Variants in RFC3 observed in about 807,000 individuals in gnomAD.
RFC3 encodes A1 38 kDa subunit.
Under a neutral mutation model 45.1 loss-of-function variants are expected in RFC3, and 41 were observed. That is an observed-to-expected ratio of 0.91 (90% CI 0.71 to 1.18). RFC3 has a LOEUF of 1.18. RFC3 is among the 50% of genes most tolerant of loss of function. RFC3 has a pLI of 0.00. For missense variants in RFC3, 423 were observed against 428.1 expected (o/e 0.99, Z 0.10); for synonymous variants, 149 against 144.0 (o/e 1.03, Z -0.25).
At chr13:33,973,838 A>G in the RFC3 span, among the ~76,000 whole-genome samples, 5 of 151,872 alleles carry the variant, frequency 3.3e-5, no homozygotes, top group South Asian at 1.0e-3. Context: ...TTTAGTAGAG[A>G]TGGGGTTTTA....
chr13:33,891,253 A>G (rs2082561720), intron 8 of RFC3, among the ~76,000 whole-genome samples: 1 of 152,178 alleles, frequency 6.6e-6, no homozygotes, highest in African/African-American at 2.4e-5. Context: ...GCAGAAAATC[A>G]TAGTAGGAAT....
intron 8 of RFC3, among the ~76,000 whole-genome samples, chr13:33,955,042 C>T (rs754534956): frequency 1.3e-5 from 2 of 152,204 alleles, no homozygotes; most frequent in Admixed American, 6.5e-5. Flanking sequence ...CTCATGCAGC[C>T]TCTCTACATG....
chr13:33,827,122 T>C (rs967051579), intron 4 of RFC3, among the ~76,000 whole-genome samples: 17 of 152,202 alleles, frequency 1.1e-4, no homozygotes, highest in Non-Finnish European at 2.4e-4. Flanking sequence ...TATTACTGGA[T>C]TTTCTAATAT....
chr13:33,854,806 C>G (rs2082298464), intron 8 of RFC3, among the ~76,000 whole-genome samples: 2 of 152,220 alleles, frequency 1.3e-5, no homozygotes, highest in South Asian at 4.2e-4. Flanking sequence ...CTGGCTGCTG[C>G]TATTTCAGGT....
At chr13:33,924,674 TTA>T (rs932755595) in intron 8 of RFC3, among the ~76,000 whole-genome samples, 2 of 147,096 alleles carry the variant, frequency 1.4e-5, no homozygotes, top group Admixed American at 6.9e-5. Flanking sequence ...TATATATATA[TTA>T]TATATATATG....
At chr13:33,936,640 A>G (rs2082888475) in intron 8 of RFC3, among the ~76,000 whole-genome samples, 1 of 152,148 alleles carries the variant, frequency 6.6e-6, no homozygotes, top group African/African-American at 2.4e-5. Context: ...CAAAGAATAT[A>G]AAAGATTGCT....
chr13:33,916,794 G>C (rs192166084), intron 8 of RFC3, among the ~76,000 whole-genome samples: 5 of 148,484 alleles, frequency 3.4e-5, no homozygotes, highest in East Asian at 1.9e-4. Flanking sequence ...ACATGTATGC[G>C]TATGTATATG....
Position 33,836,356 on chromosome 13 carries a change from A to G in RFC3, c.*61A>G, listed in dbSNP as rs2139428731. 2 of 1,565,210 alleles carry G rather than the reference A, an allele frequency of 1.3e-6. No homozygotes were observed. The highest frequency in any genetic ancestry group is 2.3e-5 in the East Asian group (1 of 44,170). On this transcript the variant is annotated 3_prime_UTR_variant, in exon 9 of 9. Transcript: ENST00000380071. ...TCAGTATTTACATACAGCTTATATT[A>G]AAAGAGCTGTGGGTAAATTAACTGA...
At chr13:33,959,070 C>T (rs183250439) in intron 8 of RFC3, among the ~76,000 whole-genome samples, 109 of 152,224 alleles carry the variant, frequency 7.2e-4, no homozygotes, top group African/African-American at 2.5e-3. Context: ...GCTTGAGAGC[C>T]TCTTTCACCC....
intron 8 of RFC3, among the ~76,000 whole-genome samples, chr13:33,892,685 A>C (rs1350753848): frequency 6.6e-6 from 1 of 152,146 alleles, no homozygotes; most frequent in Non-Finnish European, 1.5e-5. Flanking sequence ...AACCTCAGGC[A>C]GTTCCAAAAT....
At chr13:33,875,047 G>A (rs2137578302) in intron 8 of RFC3, among the ~76,000 whole-genome samples, 2 of 152,296 alleles carry the variant, frequency 1.3e-5, no homozygotes, top group Middle Eastern at 6.8e-3. Flanking sequence ...CTTCCAAAAG[G>A]CCACAAGATG....
intron 8 of RFC3, among the ~76,000 whole-genome samples, chr13:33,921,280 C>G (rs997912904): frequency 3.3e-5 from 5 of 152,132 alleles, no homozygotes; most frequent in Admixed American, 1.3e-4. Flanking sequence ...GAACTTCCAG[C>G]TCTGTAGCAC....
intron 8 of RFC3, among the ~76,000 whole-genome samples, chr13:33,930,986 G>GT (rs1411778980): frequency 7.9e-5 from 12 of 151,626 alleles, no homozygotes; most frequent in Non-Finnish European, 8.8e-5. Context: ...TTTTCTTAGA[G>GT]TTTTTTTTAG....
At chr13:33,900,115 A>G (rs748764084) in intron 8 of RFC3, among the ~76,000 whole-genome samples, 58 of 152,102 alleles carry the variant, frequency 3.8e-4, no homozygotes, top group Non-Finnish European at 7.7e-4. Flanking sequence ...AAAGAAATGT[A>G]CAGAATCAAT....
chr13:33,949,412 G>A (rs986718584), intron 8 of RFC3, among the ~76,000 whole-genome samples: 3 of 152,094 alleles, frequency 2.0e-5, no homozygotes, highest in Non-Finnish European at 4.4e-5. Flanking sequence ...ACTAATACAC[G>A]TTTTCCAAAA....
rs183473934 is a variant in RFC3, at chr13:33,874,599, G to A, written c.879+39382G>A. On this transcript the variant is annotated intron_variant, in intron 8 of 8. Coordinates refer to the RFC3 transcript ENST00000434425. ...CTCCCAAAGTTGTGGGATTAAAGGCGTGAGCCACCATGCCCGGCCACTAGC... is the reference window on the plus strand; with the variant it reads ...CTCCCAAAGTTGTGGGATTAAAGGCATGAGCCACCATGCCCGGCCACTAGC... Among the ~76,000 whole-genome samples the A allele has an allele frequency of 2.2e-3, 340 of 152,330 alleles. 2 individuals are homozygous for A. The highest frequency in any genetic ancestry group is 7.7e-3 in the African/African-American group (322 of 41,572).
At chr13:33,933,940 T>C (rs1593702562) in intron 8 of RFC3, among the ~76,000 whole-genome samples, 1 of 143,492 alleles carries the variant, frequency 7.0e-6, no homozygotes, top group African/African-American at 2.6e-5. Flanking sequence ...ATGAATGGTA[T>C]GGGGGAGGGC....
rs2082101499 is a variant in RFC3, at chr13:33,831,292, A to G, written c.747A>G (p.Thr249=). 6.2e-7 allele frequency: 1 copy of G among 1,610,354 alleles called. No individual in the cohort carries two copies. Among genetic ancestry groups the G allele is most frequent in the Non-Finnish European group, 8.5e-7 (1 of 1,176,540 alleles). ...CTGCAGATCAAGAAATCCCTGAGACAGATTGGGAGGTGTATCTGAGGGAGA... is the reference window on the plus strand; with the variant it reads ...CTGCAGATCAAGAAATCCCTGAGACGGATTGGGAGGTGTATCTGAGGGAGA... ...PFTADQEIPE[T]DWEVYLRETA... is the part of the protein sequence containing the mutation. The change falls in exon 7 of 9, where the codon ACA becomes ACG. Residue 249 remains threonine, a synonymous_variant. Coordinates refer to ENST00000380071, the MANE Select transcript of RFC3 (RefSeq NM_002915.4).
At chr13:33,860,354 T>G (rs1010795783) in intron 8 of RFC3, among the ~76,000 whole-genome samples, 1 of 152,086 alleles carries the variant, frequency 6.6e-6, no homozygotes, top group Non-Finnish European at 1.5e-5. Context: ...ACACACTCAC[T>G]TGCTTGGAGG....
Sources: gnomAD v4.1 joint callset for allele counts (sites outside exome capture counted in the v4.1 genomes callset) on GRCh38, gnomAD v4.1.1 for gene constraint, MANE v1.5 for transcripts, NCBI Gene and HGNC (gene_info 2026-07-23, HGNC 2026-07-21) for gene names.